ADGRL2: variants seen among roughly 807,000 people sequenced by gnomAD.
ADGRL2 encodes the protein adhesion G protein-coupled receptor L2.
Under a neutral mutation model 157.4 loss-of-function variants are expected in ADGRL2, and 44 were observed. That is an observed-to-expected ratio of 0.28 (90% confidence interval 0.22 to 0.36). The LOEUF is 0.36. ADGRL2 is among the 10% of genes least tolerant of loss of function. The pLI is 1.00. For synonymous variants in ADGRL2, 585 were observed against 624.7 expected (o/e 0.94, Z 0.95); for missense variants, 1,510 against 1,768.9 (o/e 0.85, Z 2.63).
intron 3 of ADGRL2, chr1:81,625,816 A>C (rs2148729655): frequency 6.6e-6 from 1 of 152,348 alleles, no homozygotes; most frequent in South Asian, 2.1e-4. Context: ...TCCACCAGCA[A>C]CCCAAACTTC....
At chr1:81,796,715 TA>T (rs1557658662), upstream of ADGRL2, among the ~76,000 whole-genome samples, 1 of 152,210 alleles carries the variant, frequency 6.6e-6, no homozygotes, top group East Asian at 1.9e-4. Context: ...ATGCTTTTTT[TA>T]AAAAGTATTA....
chr1:81,508,682 C>T (rs1281610508), intron 2 of ADGRL2, among the ~76,000 whole-genome samples: 1 of 152,194 alleles, frequency 6.6e-6, no homozygotes, highest in Admixed American at 6.5e-5. Flanking sequence ...ATAGGGTATG[C>T]ACCCATGAGG....
intron 3 of ADGRL2, among the ~76,000 whole-genome samples, chr1:81,910,323 A>C (rs2094691114): frequency 6.6e-6 from 1 of 151,434 alleles, no homozygotes; most frequent in Non-Finnish European, 1.5e-5. Flanking sequence ...CGTATGTCCT[A>C]ATATGATAGA....
chr1:81,952,962 A>G (rs760521556), intron 9 of ADGRL2, 25 bp from the exon 10 acceptor site: 1 of 1,598,106 alleles, frequency 6.3e-7, no homozygotes, highest in African/African-American at 1.3e-5. Flanking sequence ...CTAACCTCTG[A>G]TTTTTCTTTT....
intron 2 of ADGRL2, among the ~76,000 whole-genome samples, chr1:81,873,886 CAT>C (rs1185163365): frequency 3.3e-5 from 5 of 152,070 alleles, no homozygotes; most frequent in Admixed American, 6.6e-5. Context: ...ACTATTGACT[CAT>C]ATTCCTTCTG....
chr1:81,939,218 G>A (rs189665536), intron 4 of ADGRL2, among the ~76,000 whole-genome samples: 14 of 151,640 alleles, frequency 9.2e-5, no homozygotes, highest in African/African-American at 2.9e-4. Flanking sequence ...ATAAACAGGC[G>A]CATGCATTAT....
At chr1:81,857,570 A>G (rs2093245208) in intron 2 of ADGRL2, among the ~76,000 whole-genome samples, 1 of 152,152 alleles carries the variant, frequency 6.6e-6, no homozygotes, top group South Asian at 2.1e-4. Flanking sequence ...AAAAGCCTTT[A>G]TCAGCCCACA....
Position 81,942,057 on chromosome 1 carries a change from A to T in ADGRL2, c.409+12A>T. On this transcript the variant is annotated intron_variant, in intron 5 of 23. Coordinates refer to ENST00000686636, the MANE Select transcript of ADGRL2 (RefSeq NM_001366006.2). The stretch of plus-strand genomic sequence containing the variant: ...AGTGGAGCAAAAAGGTAAATAACAT[A>T]CAGTCTGAACCCCAGCTCCCTGTTA... 1 of 770,086 alleles carries T rather than the reference A, an allele frequency of 1.3e-6. No homozygotes were observed. Among genetic ancestry groups the T allele is most frequent in the Non-Finnish European group, 2.4e-6 (1 of 412,916 alleles). The allele number at this position is 770,086 out of a possible 1,614,324, so 47.7% of individuals were successfully genotyped here. A position where few individuals can be genotyped will look rare whatever the true frequency, so the allele number is the denominator to read the frequency against.
rs1230517418 is a variant in ADGRL2, at chr1:81,854,783, TC to T, written c.73+17727del. Among the ~76,000 whole-genome samples the T allele has an allele frequency of 4.7e-5, 7 of 150,510 alleles. No homozygotes were observed. The East Asian group carries it at 1.4e-3, about 29-fold the overall frequency. ...CAAGAGGTGACCAGCTGAGAAAAGTTCTTCTGAGCTCCAGGAGAGTGTGCAA... is the reference window on the plus strand; with the variant it reads ...CAAGAGGTGACCAGCTGAGAAAAGTTTTCTGAGCTCCAGGAGAGTGTGCAA... On this transcript the variant is annotated intron_variant, in intron 2 of 23. Coordinates refer to ENST00000686636, the MANE Select transcript of ADGRL2 (RefSeq NM_001366006.2).
chr1:81,801,610 C>T (rs1470898749), intron 1 of ADGRL2, among the ~76,000 whole-genome samples: 1 of 152,210 alleles, frequency 6.6e-6, no homozygotes. Flanking sequence ...GCCAGCCTTC[C>T]TTGGGGCAGC....
At chr1:81,867,790 C>G (rs1277078541) in intron 2 of ADGRL2, among the ~76,000 whole-genome samples, 2 of 152,070 alleles carry the variant, frequency 1.3e-5, no homozygotes, top group Non-Finnish European at 2.9e-5. Flanking sequence ...AGTGAATAAT[C>G]AGGAGTTAAC....
chr1:81,837,040 T>C lies in ADGRL2; in HGVS notation c.56T>C (p.Phe19Ser). 1 of 1,589,138 alleles carries C rather than the reference T, an allele frequency of 6.3e-7. No individual in the cohort carries two copies. Among genetic ancestry groups the C allele is most frequent in the African/African-American group, 1.4e-5 (1 of 73,500 alleles). The change falls in exon 2 of 24, where the codon TTC (phenylalanine) becomes TCC (serine). Residue 19 changes from phenylalanine (F) to serine (S), a missense_variant. By Grantham distance (155) the Phe-to-Ser change is radical. This residue lies in a region of ADGRL2 where 361 missense variants were observed against 498.4 expected (regional missense o/e 0.72). Transcript: ENST00000686636. ...RSLWFIIVIS[F>S]LPNTEGFSRA... ...CTGTGGTTTATCATTGTAATCAGCT[T>C]CTTACCAAATACAGAAGGTAAGATC... is the stretch of plus-strand genomic sequence containing the variant.
At position 81,824,948 on chromosome 1, in the gene ADGRL2, CCTCT is replaced by C. The variant is rs3046312; in HGVS notation, c.-100-11906_-100-11903del. 1.3e-3 allele frequency among the ~76,000 whole-genome samples: 170 copies of C among 127,944 alleles called. 1 individual carries two copies. Among genetic ancestry groups the C allele is most frequent in the East Asian group, 5.9e-3 (26 of 4,432 alleles). 83.9% of individuals were successfully genotyped at this position (127,944 alleles called of 152,430 possible). A position where few individuals can be genotyped will look rare whatever the true frequency, so the allele number is the denominator to read the frequency against. On this transcript the variant is annotated intron_variant, in intron 1 of 23. Coordinates refer to ENST00000686636, the MANE Select transcript of ADGRL2 (RefSeq NM_001366006.2). Reference sequence around the variant, plus strand: ...GTTTCCAGTTTTGCTTTTTAATTCTCCTCTCTCTCTCTCTCTCTCTCTCTCTCTC... The same window carrying C: ...GTTTCCAGTTTTGCTTTTTAATTCTCCTCTCTCTCTCTCTCTCTCTCTCTC...
chr1:81,536,366 A>C (rs1439790637), intron 2 of ADGRL2, among the ~76,000 whole-genome samples: 1 of 152,216 alleles, frequency 6.6e-6, no homozygotes, highest in African/African-American at 2.4e-5. Context: ...AAAATTCTCC[A>C]TGTGAACAAT....
At chr1:81,399,252 A>T (rs904217911) in intron 1 of ADGRL2, among the ~76,000 whole-genome samples, 3 of 152,222 alleles carry the variant, frequency 2.0e-5, no homozygotes, top group South Asian at 2.1e-4. Flanking sequence ...ATCACCTCCC[A>T]CCAGGCTCTG....
chr1:81,552,152 T>G (rs147017120), intron 2 of ADGRL2, among the ~76,000 whole-genome samples: 260 of 152,342 alleles, frequency 1.7e-3, no homozygotes, highest in Admixed American at 4.3e-3. Context: ...CACTGTTGAC[T>G]AAGACCTTGA....
chr1:81,402,434 C>T (rs1237496218), intron 1 of ADGRL2, among the ~76,000 whole-genome samples: 1 of 152,096 alleles, frequency 6.6e-6, no homozygotes, highest in East Asian at 1.9e-4. Context: ...TTGATGCACA[C>T]CAAGAGAATC....
intron 17 of ADGRL2, among the ~76,000 whole-genome samples, chr1:81,973,758 A>C (rs1261520444): frequency 6.6e-6 from 1 of 152,194 alleles, no homozygotes; most frequent in Non-Finnish European, 1.5e-5. Flanking sequence ...CTCAAACACA[A>C]ACCCCAGTAG....
intron 1 of ADGRL2, among the ~76,000 whole-genome samples, chr1:81,409,001 T>C (rs2076904982): frequency 6.6e-6 from 1 of 152,238 alleles, no homozygotes; most frequent in East Asian, 1.9e-4. Context: ...ATGTTCAGAC[T>C]CAACTGCCAA....
Sources: allele counts gnomAD v4.1 joint callset (sites outside exome capture counted in the v4.1 genomes callset), GRCh38; gene constraint gnomAD v4.1.1; regional missense constraint gnomAD v4.1.1; transcripts MANE v1.5; gene names NCBI Gene and HGNC (gene_info 2026-07-23, HGNC 2026-07-21).